SNX20: variants seen among roughly 807,000 people sequenced by gnomAD.
SNX20 encodes the protein sorting nexin-20.
SNX20 carries 21 observed loss-of-function variants against 24.5 expected under a neutral mutation model. The ratio of observed to expected loss-of-function variants is 0.86; its 90% CI spans 0.61 to 1.23. The LOEUF (loss-of-function observed/expected upper bound fraction) is 1.23. SNX20 is among the 50% of genes most tolerant of loss of function. The pLI is 0.00. For synonymous variants in SNX20, 206 were observed against 192.8 expected (o/e 1.07, Z -0.57); for missense variants, 433 against 430.8 (o/e 1.00, Z -0.04).
At chr16:50,676,170 G>C (rs994390214) in intron 2 of SNX20, among the ~76,000 whole-genome samples, 4 of 151,878 alleles carry the variant, frequency 2.6e-5, no homozygotes, top group African/African-American at 9.7e-5. Flanking sequence ...TGGTTTCACA[G>C]CTTTGGAATG....
chr16:50,676,553 ATAAT>A (rs1395445638), intron 2 of SNX20, among the ~76,000 whole-genome samples: 3 of 152,208 alleles, frequency 2.0e-5, no homozygotes, highest in African/African-American at 7.2e-5. Context: ...AGAAGCACAA[ATAAT>A]TGTGCATTTT....
chr16:50,676,851 C>T lies in SNX20; in HGVS notation c.130+546G>A, dbSNP rs551470739. Among the ~76,000 whole-genome samples the T allele has an allele frequency of 2.2e-4, 33 of 152,348 alleles. 2 individuals carry two copies. In the South Asian group the frequency reaches 3.9e-3, roughly 18 times the overall value. On this transcript the variant is annotated intron_variant, in intron 2 of 3. Coordinates refer to ENST00000330943, the MANE Select transcript of SNX20 (RefSeq NM_182854.4). ...AGAGCAGGTATTGAATAGGGCATCT[C>T]GAAGGACTGTAAGAAAAGATCTGTT...
chr16:50,677,304 G>C, intron 2 of SNX20, 93 bp downstream of exon 2: 1 of 1,414,508 alleles, frequency 7.1e-7, no homozygotes, highest in East Asian at 2.6e-5. Flanking sequence ...GAGCTGCCCG[G>C]GCCTCTTGCT....
chr16:50,674,023 C>A lies in SNX20; in HGVS notation c.334G>T (p.Val112Phe), dbSNP rs767585804. The change falls in exon 4 of 4, where the codon GTC becomes TTC. Residue 112 changes from valine to phenylalanine, a missense_variant. Physicochemically the swap from Val to Phe is conservative, Grantham distance 50. Transcript: ENST00000330943. The part of the protein sequence containing the change: ...QTGSFDNNKA[V>F]LERRYSDFAK... Reference sequence around the variant, plus strand: ...AAGTCGGAATAGCGCCGTTCCAGGACGGCCTTGTTGTTGTCAAAGCTCCCA... The same window carrying A: ...AAGTCGGAATAGCGCCGTTCCAGGAAGGCCTTGTTGTTGTCAAAGCTCCCA... 1.2e-6 allele frequency: 2 copies of A among 1,610,996 alleles called. No individual in the cohort carries two copies. Among genetic ancestry groups the A allele is most frequent in the African/African-American group, 2.7e-5 (2 of 74,652 alleles).
chr16:50,667,985 G>T, downstream of SNX20: 2 of 1,549,462 alleles, frequency 1.3e-6, no homozygotes, highest in Non-Finnish European at 1.7e-6. Context: ...GACCAGCCCA[G>T]AACGCTCGCT....
chr16:50,670,046 G>C (rs372910266), downstream of SNX20: 2 of 152,178 alleles, frequency 1.3e-5, no homozygotes, highest in African/African-American at 2.4e-5. Context: ...CACAGCCAGT[G>C]GGGGGGAGTG....
rs550398362 is a variant in SNX20, at chr16:50,673,378, C to T, written c.*28G>A. The T allele has an allele frequency of 8.9e-5, 128 of 1,445,268 alleles. 1 individual carries two copies. In the South Asian group the frequency reaches 1.5e-3, roughly 17 times the overall value. The allele number at this position is 1,445,268 out of a possible 1,614,324, so 89.5% of individuals were successfully genotyped here. A position where few individuals can be genotyped will look rare whatever the true frequency, so the allele number is the denominator to read the frequency against. Reference sequence around the variant, plus strand: ...GTGAGCCATGGTGACCCCAAATCTCCAGCGTCCCTGCGGGGTCCCAGGCCG... The same window carrying T: ...GTGAGCCATGGTGACCCCAAATCTCTAGCGTCCCTGCGGGGTCCCAGGCCG... On this transcript the variant is annotated 3_prime_UTR_variant, in exon 4 of 4. Transcript: ENST00000330943. The surrounding 1 kb of genome is among the most constrained non-coding windows in gnomAD (Gnocchi z 4.1).
rs1963065879 is a variant in SNX20 at position 50,672,257 on chromosome 16, A to C, written c.*1149T>G. On this transcript the variant is annotated 3_prime_UTR_variant, in exon 4 of 4. Coordinates refer to ENST00000330943, the MANE Select transcript of SNX20 (RefSeq NM_182854.4). ...CTGTTTTCTGCCCAGAGGCCCCATT[A>C]AGTATGTTGTATCACCTCCTCCCCA... The C allele has an allele frequency of 6.6e-6, 1 of 152,152 alleles. No individual in the cohort carries two copies. The highest frequency in any genetic ancestry group is 1.5e-5 in the Non-Finnish European group (1 of 68,046). 9.4% of individuals were successfully genotyped at this position (152,152 alleles called of 1,614,324 possible). A position where few individuals can be genotyped will look rare whatever the true frequency, so the allele number is the denominator to read the frequency against.
chr16:50,674,229 GTTTA>G (rs752759802), intron 3 of SNX20, among the ~76,000 whole-genome samples, 155 bp from the exon 4 acceptor site: 7,116 of 130,990 alleles, frequency 0.054, 204 homozygotes, highest in South Asian at 0.099. Context: ...TTGTTTGTTT[GTTTA>G]TTTATTTATT....
rs1390148353 is a variant in SNX20 at position 50,673,674 on chromosome 16, G to C, written c.683C>G (p.Pro228Arg). Reference protein sequence around the residue: ...LTAHCPAAAVPALCAVLLCHR... With the variant: ...LTAHCPAAAVRALCAVLLCHR... ...GCACAGCAGCACGGCGCACAGGGCCGGGACGGCGGCCGCAGGGCAGTGGGC... is the reference window on the plus strand; with the variant it reads ...GCACAGCAGCACGGCGCACAGGGCCCGGACGGCGGCCGCAGGGCAGTGGGC... Residue 228 changes from proline to arginine, a missense_variant, in exon 4 of 4, where the codon CCG becomes CGG. Transcript: ENST00000330943. The surrounding 1 kb of genome is among the most constrained non-coding windows in gnomAD (Gnocchi z 4.1). The C allele has an allele frequency of 2.0e-6, 3 of 1,496,378 alleles. No individual in the cohort carries two copies. Among genetic ancestry groups the C allele is most frequent in the East Asian group, 2.6e-5 (1 of 37,926 alleles). 92.7% of individuals were successfully genotyped at this position (1,496,378 alleles called of 1,614,324 possible). A position where few individuals can be genotyped will look rare whatever the true frequency, so the allele number is the denominator to read the frequency against.
chr16:50,668,859 T>C, downstream of SNX20: 1 of 1,394,086 alleles, frequency 7.2e-7, no homozygotes, highest in Non-Finnish European at 9.3e-7. Flanking sequence ...GCTAAGGGCA[T>C]TCTAGGCCAA....
chr16:50,674,843 A>T (rs1963146833), intron 3 of SNX20, among the ~76,000 whole-genome samples: 1 of 152,230 alleles, frequency 6.6e-6, no homozygotes, highest in African/African-American at 2.4e-5. Flanking sequence ...CTTTCAAGAG[A>T]ATCCTGATTA....
Position 50,675,815 on chromosome 16 carries a change from C to G in SNX20, c.237G>C (p.Glu79Asp). The change falls in exon 3 of 4, where the codon GAG becomes GAC. Residue 79 changes from glutamate (E) to aspartate (D), a missense_variant. Physicochemically the swap from Glu to Asp is conservative, Grantham distance 45. Transcript: ENST00000330943. ...CRWKHVKLLF[E>D]IASARIEERK... ...TCTCCTCGATGCGAGCTGAAGCGAT[C>G]TCAAAGAGCAGTTTGACGTGCTTCC... The G allele has an allele frequency of 6.2e-7, 1 of 1,613,688 alleles. No individual in the cohort carries two copies. The highest frequency in any genetic ancestry group is 8.5e-7 in the Non-Finnish European group (1 of 1,179,792).
chr16:50,668,374 A>G (rs2150757680), downstream of SNX20: 10 of 1,046,580 alleles, frequency 9.6e-6, no homozygotes, highest in Middle Eastern at 7.8e-4. Flanking sequence ...ACAAAAGTCT[A>G]CCAGCGGCCT....
In SNX20 at chr16:50,674,612, T is replaced by A. The variant is rs528454919; in HGVS notation, c.283-538A>T. Reference sequence around the variant, plus strand: ...ACCCTGGAACAACAACACAGCAAGGTGGGGACATCTGGGAGGAGAAAGGGC... The same window carrying A: ...ACCCTGGAACAACAACACAGCAAGGAGGGGACATCTGGGAGGAGAAAGGGC... On this transcript the variant is annotated intron_variant, in intron 3 of 3. Transcript: ENST00000330943. Among the ~76,000 whole-genome samples the A allele has an allele frequency of 2.0e-5, 3 of 152,208 alleles. No homozygotes were observed. The South Asian group carries it at 6.2e-4, about 32-fold the overall frequency.
chr16:50,676,790 TTC>T (rs1404909760), intron 2 of SNX20, among the ~76,000 whole-genome samples: 1 of 152,254 alleles, frequency 6.6e-6, no homozygotes, highest in Non-Finnish European at 1.5e-5. Flanking sequence ...TTCTTCCTGT[TTC>T]TGTTTCTCCA....
At chr16:50,677,263 A>C (rs1963202040) in intron 2 of SNX20, 134 bp downstream of exon 2, 1 of 1,157,180 alleles carries the variant, frequency 8.6e-7, no homozygotes, top group Non-Finnish European at 1.2e-6. Context: ...TCTGTGTCTC[A>C]GTGTCTGTTT....
chr16:50,669,139 A>T, downstream of SNX20: 1 of 1,337,740 alleles, frequency 7.5e-7, no homozygotes, highest in Non-Finnish European at 1.1e-6. Context: ...CCAGGCCTTG[A>T]TTTCCCCATC....
downstream of SNX20, chr16:50,667,005 C>T (rs760706172): frequency 6.6e-6 from 1 of 152,224 alleles, no homozygotes; most frequent in Non-Finnish European, 1.5e-5. Flanking sequence ...TGGTGTAAAG[C>T]TAGCCTGCTC....
Sources: gnomAD v4.1 joint callset for allele counts (sites outside exome capture counted in the v4.1 genomes callset) on GRCh38, gnomAD v4.1.1 for gene constraint, Gnocchi (gnomAD v3.1) non-coding constraint, MANE v1.5 for transcripts, NCBI Gene and HGNC (gene_info 2026-07-23, HGNC 2026-07-21) for gene names.